Variants in PTPRT observed in about 807,000 individuals in gnomAD.
PTPRT encodes the protein protein tyrosine phosphatase receptor type T, also known as receptor-type tyrosine-protein phosphatase T.
Under a neutral mutation model 176.8 loss-of-function variants are expected in PTPRT, and 56 were observed. That is an observed-to-expected ratio of 0.32 (90% confidence interval 0.26 to 0.40). PTPRT has a LOEUF of 0.40. PTPRT is among the 10% of genes least tolerant of loss of function. The pLI is 1.00. For missense variants in PTPRT, 1,540 were observed against 1,908.2 expected (o/e 0.81, Z 3.60); for synonymous variants, 783 against 739.0 (o/e 1.06, Z -0.96).
At chr20:42,494,383 G>A (rs2071613847) in intron 7 of PTPRT, among the ~76,000 whole-genome samples, 1 of 152,138 alleles carries the variant, frequency 6.6e-6, no homozygotes, top group African/African-American at 2.4e-5. Context: ...GGCTATGAAA[G>A]AGAGTCTCTT....
intron 1 of PTPRT, among the ~76,000 whole-genome samples, chr20:43,149,573 G>A (rs949091695): frequency 6.6e-6 from 1 of 152,224 alleles, no homozygotes; most frequent in Non-Finnish European, 1.5e-5. Context: ...TCAGTTGTGT[G>A]TCTTTGAGCA....
At chr20:42,721,785 T>C (rs2076307536) in intron 6 of PTPRT, among the ~76,000 whole-genome samples, 1 of 152,176 alleles carries the variant, frequency 6.6e-6, no homozygotes. Context: ...CACACACAGG[T>C]GCATCCCTCA....
intron 6 of PTPRT, among the ~76,000 whole-genome samples, chr20:42,737,673 TCAGA>T (rs1600681069): frequency 6.6e-6 from 1 of 151,168 alleles, no homozygotes; most frequent in East Asian, 1.9e-4. Flanking sequence ...CTCAGAGCTA[TCAGA>T]AGGAACCAAC....
At chr20:42,683,369 T>C (rs1372388387) in intron 6 of PTPRT, among the ~76,000 whole-genome samples, 3 of 152,040 alleles carry the variant, frequency 2.0e-5, no homozygotes, top group Non-Finnish European at 4.4e-5. Context: ...CCTCCAACTC[T>C]TGGGTTCAAG....
chr20:42,154,004 T>TA (rs2037118834), intron 17 of PTPRT, among the ~76,000 whole-genome samples: 1 of 152,202 alleles, frequency 6.6e-6, no homozygotes, highest in African/African-American at 2.4e-5. Context: ...TGGCCTATTG[T>TA]CTTTTTTCAA....
At chr20:42,332,992 G>T (rs1176343892) in intron 11 of PTPRT, among the ~76,000 whole-genome samples, 1 of 152,192 alleles carries the variant, frequency 6.6e-6, no homozygotes, top group Non-Finnish European at 1.5e-5. Flanking sequence ...TAACGTAAAA[G>T]AGTATAAAAA....
At chr20:42,270,252 G>A in intron 13 of PTPRT, 1 of 712,484 alleles carries the variant, frequency 1.4e-6, no homozygotes, top group Non-Finnish European at 2.4e-6. Flanking sequence ...GAATGAATGT[G>A]TGGGTTGATG....
intron 6 of PTPRT, among the ~76,000 whole-genome samples, chr20:42,695,079 T>A (rs984512599): frequency 1.3e-5 from 2 of 152,180 alleles, no homozygotes; most frequent in African/African-American, 4.8e-5. Flanking sequence ...ATTTTCTAAT[T>A]GTTTTGTCAT....
intron 27 of PTPRT, among the ~76,000 whole-genome samples, chr20:42,086,946 T>C (rs1372605560): frequency 6.6e-6 from 1 of 150,844 alleles, no homozygotes; most frequent in Admixed American, 6.6e-5. Flanking sequence ...TTATCTGGAA[T>C]TGGAAATTAG....
intron 7 of PTPRT, among the ~76,000 whole-genome samples, chr20:42,577,943 G>T (rs1359016796): frequency 6.8e-6 from 1 of 147,386 alleles, no homozygotes; most frequent in Non-Finnish European, 1.5e-5. Context: ...GTGTGTGTGT[G>T]TGTGTGTGTG....
intron 1 of PTPRT, among the ~76,000 whole-genome samples, chr20:43,050,623 T>C (rs1987005395): frequency 6.6e-6 from 1 of 152,236 alleles, no homozygotes; most frequent in South Asian, 2.1e-4. Flanking sequence ...ATCCTGGGTC[T>C]ACCTCTTCAC....
rs11468862 is a variant in PTPRT, at chr20:42,713,156, TACAC to T, written c.860-35001_860-34998del. 1.4e-3 allele frequency among the ~76,000 whole-genome samples: 210 copies of T among 147,998 alleles called. 1 individual carries two copies. Among genetic ancestry groups the T allele is most frequent in the South Asian group, 2.2e-3 (10 of 4,592 alleles). On this transcript the variant is annotated intron_variant, in intron 6 of 30. Coordinates refer to ENST00000373187, the MANE Select transcript of PTPRT (RefSeq NM_007050.6). ...ACACATACACACGTACACGCACACATACACACACACACACACACACACACACAGA... is the reference window on the plus strand; with the variant it reads ...ACACATACACACGTACACGCACACATACACACACACACACACACACACAGA...
intron 17 of PTPRT, among the ~76,000 whole-genome samples, chr20:42,156,148 C>A (rs1422923434): frequency 6.6e-6 from 1 of 152,166 alleles, no homozygotes; most frequent in African/African-American, 2.4e-5. Flanking sequence ...ACTTCTCAAG[C>A]TTCGGTTGAG....
In PTPRT at chr20:42,104,070, G is replaced by A. The variant is rs929470317; in HGVS notation, c.3540+499C>T. 1.1e-4 allele frequency among the ~76,000 whole-genome samples: 17 copies of A among 152,188 alleles called. No homozygotes were observed. The South Asian group carries it at 1.7e-3, about 15-fold the overall frequency. ...TTTCATCCCTCCCAAAATCCATGTC[G>A]TAATCTTAGCCCCCAATGTGATGGT... On this transcript the variant is annotated intron_variant, in intron 25 of 30. Transcript: ENST00000373187.
intron 7 of PTPRT, among the ~76,000 whole-genome samples, chr20:42,612,881 G>A (rs760052480): frequency 3.3e-5 from 5 of 152,064 alleles, no homozygotes; most frequent in Non-Finnish European, 7.4e-5. Context: ...TGTGGTGTGG[G>A]AATGTGGTTA....
intron 1 of PTPRT, among the ~76,000 whole-genome samples, chr20:43,100,032 T>C (rs528683130): frequency 1.1e-4 from 17 of 152,298 alleles, no homozygotes; most frequent in African/African-American, 1.7e-4. Context: ...GTGTATTACA[T>C]AGAGGGAGGT....
chr20:42,667,310 T>C (rs2075333611), intron 7 of PTPRT, among the ~76,000 whole-genome samples: 1 of 152,162 alleles, frequency 6.6e-6, no homozygotes, highest in Non-Finnish European at 1.5e-5. Context: ...TCCTAGACAG[T>C]GAGTGGAGGA....
At chr20:42,883,975 A>G (rs2079064730) in intron 2 of PTPRT, among the ~76,000 whole-genome samples, 1 of 151,624 alleles carries the variant, frequency 6.6e-6, no homozygotes, top group Non-Finnish European at 1.5e-5. Flanking sequence ...ACACACACAC[A>G]CGCATACACA....
At chr20:42,410,500 C>T (rs1056795176) in intron 9 of PTPRT, among the ~76,000 whole-genome samples, 1 of 151,368 alleles carries the variant, frequency 6.6e-6, no homozygotes, top group African/African-American at 2.4e-5. Context: ...CTTTCCTCTC[C>T]CAGTAATTGA....
Sources: allele counts gnomAD v4.1 joint callset (sites outside exome capture counted in the v4.1 genomes callset), GRCh38; gene constraint gnomAD v4.1.1; transcripts MANE v1.5; gene names NCBI Gene and HGNC (gene_info 2026-07-23, HGNC 2026-07-21).